CLYBL: variants seen among roughly 807,000 people sequenced by gnomAD.
The protein encoded by CLYBL is citramalyl-CoA lyase.
In CLYBL, 31 loss-of-function variants were observed where a neutral mutation model predicts 38.9. The ratio of observed to expected loss-of-function variants is 0.80; its 90% CI spans 0.60 to 1.08. CLYBL has a LOEUF of 1.08. CLYBL is among the 50% of genes least tolerant of loss of function. The pLI, the probability that CLYBL is intolerant of heterozygous loss-of-function variation, is 0.00. For synonymous variants in CLYBL, 171 were observed against 158.6 expected, an observed-to-expected ratio of 1.08 and a Z score of -0.59; for missense variants, 434 against 411.6, an observed-to-expected ratio of 1.05 and a Z score of -0.47.
chr13:99,858,670 A>AC (rs2139197412), intron 2 of CLYBL, among the ~76,000 whole-genome samples, 191 bp from the exon 3 acceptor site: 1 of 152,318 alleles, frequency 6.6e-6, no homozygotes, highest in South Asian at 2.1e-4. Context: ...CGCGAATGAA[A>AC]CCTAAAAATC....
At chr13:99,836,661 T>G (rs2050942211) in intron 2 of CLYBL, among the ~76,000 whole-genome samples, 1 of 152,244 alleles carries the variant, frequency 6.6e-6, no homozygotes, top group Non-Finnish European at 1.5e-5. Context: ...GTTTAAGCTT[T>G]TTCTATAAAA....
chr13:99,695,903 T>C (rs535755880), intron 1 of CLYBL, among the ~76,000 whole-genome samples: 1 of 152,318 alleles, frequency 6.6e-6, no homozygotes, highest in African/African-American at 2.4e-5. Flanking sequence ...GAGGGTGACC[T>C]TCCTACTTCT....
chr13:99,795,075 G>A (rs572927036), intron 2 of CLYBL, among the ~76,000 whole-genome samples: 3 of 152,270 alleles, frequency 2.0e-5, no homozygotes, highest in South Asian at 2.1e-4. Flanking sequence ...TATGCAGGCC[G>A]CATGGTGTTT....
chr13:99,906,640 T>C (rs958383090), intron 9 of CLYBL, among the ~76,000 whole-genome samples: 1 of 152,120 alleles, frequency 6.6e-6, no homozygotes, highest in Non-Finnish European at 1.5e-5. Context: ...GCCAGGCTGG[T>C]CTCGAGCTCC....
chr13:99,623,908 G>A (rs915697011), intron 1 of CLYBL, among the ~76,000 whole-genome samples: 15 of 146,482 alleles, frequency 1.0e-4, no homozygotes, highest in Non-Finnish European at 1.9e-4. Flanking sequence ...GCAGTGAGCC[G>A]AGATCGTGCC....
At chr13:99,811,099 C>T (rs1410291325) in intron 2 of CLYBL, among the ~76,000 whole-genome samples, 8 of 152,168 alleles carry the variant, frequency 5.3e-5, no homozygotes, top group Admixed American at 5.2e-4. Context: ...CATTAGAACC[C>T]CCAAAGTGAC....
chr13:99,802,212 G>A (rs2050150161), intron 2 of CLYBL, among the ~76,000 whole-genome samples: 1 of 152,086 alleles, frequency 6.6e-6, no homozygotes. Flanking sequence ...TTCTCTTCTT[G>A]GTTTGCAAGT....
chr13:99,714,011 A>G (rs1297713005), intron 1 of CLYBL, among the ~76,000 whole-genome samples: 2 of 150,792 alleles, frequency 1.3e-5, no homozygotes, highest in African/African-American at 4.9e-5. Flanking sequence ...TTTTTGAGAC[A>G]GGGTCTTGCT....
chr13:99,835,080 C>G (rs756157842), intron 2 of CLYBL, among the ~76,000 whole-genome samples: 6 of 152,206 alleles, frequency 3.9e-5, no homozygotes, highest in Non-Finnish European at 8.8e-5. Flanking sequence ...AGCCCAGAGC[C>G]TGTCTCTCTG....
At chr13:99,699,528 C>T (rs1401675046) in intron 1 of CLYBL, among the ~76,000 whole-genome samples, 4 of 149,442 alleles carry the variant, frequency 2.7e-5, no homozygotes, top group African/African-American at 5.0e-5. Context: ...CCCATCTTTA[C>T]GAAAAATACC....
chr13:99,734,460 A>G (rs2048636807), intron 1 of CLYBL, among the ~76,000 whole-genome samples: 1 of 152,162 alleles, frequency 6.6e-6, no homozygotes, highest in Non-Finnish European at 1.5e-5. Flanking sequence ...ATTCATACCA[A>G]ACTGACTTTC....
Position 99,705,297 on chromosome 13 carries a change from T to A in CLYBL, c.63-67527T>A, listed in dbSNP as rs1292298433. ...ATTCAACCTTAAGAAAGAATGAAAT[T>A]CTACCAGTCACGGTGGCTCACATCT... is the stretch of plus-strand genomic sequence containing the variant. On this transcript the variant is annotated intron_variant, in intron 1 of 8. Transcript: ENST00000339105. 2.6e-5 allele frequency among the ~76,000 whole-genome samples: 4 copies of A among 152,128 alleles called. No individual in the cohort carries two copies. In the East Asian group the frequency reaches 7.7e-4, roughly 29 times the overall value.
intron 6 of CLYBL, 49 bp downstream of exon 6, chr13:99,866,456 G>GA (rs779999191): frequency 6.4e-7 from 1 of 1,560,380 alleles, no homozygotes; most frequent in Admixed American, 2.0e-5. Flanking sequence ...AAGCATTCCA[G>GA]AAAAATAGAA....
At chr13:99,792,295 G>T (rs2049933971) in intron 2 of CLYBL, among the ~76,000 whole-genome samples, 1 of 152,156 alleles carries the variant, frequency 6.6e-6, no homozygotes, top group Non-Finnish European at 1.5e-5. Context: ...CACACACAGT[G>T]ACCCTTCCCC....
chr13:99,676,280 C>T (rs12871547), intron 1 of CLYBL, among the ~76,000 whole-genome samples: 1 of 150,730 alleles, frequency 6.6e-6, no homozygotes, highest in African/African-American at 2.4e-5. Flanking sequence ...CTTTCTCTCT[C>T]TCTTTCTTCC....
At chr13:99,614,322 A>T (rs1281168097) in intron 1 of CLYBL, among the ~76,000 whole-genome samples, 2 of 152,132 alleles carry the variant, frequency 1.3e-5, no homozygotes, top group Non-Finnish European at 2.9e-5. Context: ...CACTGCTTAG[A>T]GTGGGGCTGA....
intron 1 of CLYBL, among the ~76,000 whole-genome samples, chr13:99,636,090 G>A (rs1227702335): frequency 6.6e-6 from 1 of 152,152 alleles, no homozygotes; most frequent in African/African-American, 2.4e-5. Context: ...AGTTAAAAGA[G>A]TGATTATATT....
intron 1 of CLYBL, among the ~76,000 whole-genome samples, chr13:99,694,953 T>C (rs1311760685): frequency 2.6e-5 from 4 of 152,120 alleles, no homozygotes; most frequent in Non-Finnish European, 5.9e-5. Flanking sequence ...CCTGTAGGGA[T>C]GGGAAAATGG....
intron 2 of CLYBL, among the ~76,000 whole-genome samples, chr13:99,842,951 C>A (rs2051119442): frequency 6.6e-6 from 1 of 151,888 alleles, no homozygotes; most frequent in Non-Finnish European, 1.5e-5. Flanking sequence ...TTTTTTTTAA[C>A]CTAACATTTA....
Sources: gnomAD v4.1 joint callset for allele counts (sites outside exome capture counted in the v4.1 genomes callset) on GRCh38, gnomAD v4.1.1 for gene constraint, MANE v1.5 for transcripts, NCBI Gene and HGNC (gene_info 2026-07-23, HGNC 2026-07-21) for gene names.